Variants in KMT5B observed in about 807,000 individuals in gnomAD.
The protein encoded by KMT5B is histone-lysine N-methyltransferase KMT5B.
A neutral mutation model predicts 83.2 loss-of-function variants in KMT5B; 10 were observed. That is an observed-to-expected ratio of 0.12 (90% CI 0.07 to 0.20). The LOEUF is 0.20. Among genes scored for constraint, KMT5B ranks in the 10% least tolerant of loss-of-function variants. KMT5B has a pLI of 1.00. For synonymous variants in KMT5B, 349 were observed against 388.8 expected, an observed-to-expected ratio of 0.90 and a Z score of 1.20; for missense variants, 753 against 1,067.2, an observed-to-expected ratio of 0.71 and a Z score of 4.10.
chr11:68,167,411 C>T (rs929259516), intron 9 of KMT5B, among the ~76,000 whole-genome samples: 2 of 151,116 alleles, frequency 1.3e-5, no homozygotes, highest in Non-Finnish European at 2.9e-5. Flanking sequence ...TATTATCAAT[C>T]ATTAATTGCC....
intron 3 of KMT5B, among the ~76,000 whole-genome samples, chr11:68,183,611 G>A (rs1161862460): frequency 6.7e-5 from 10 of 150,352 alleles, no homozygotes; most frequent in East Asian, 2.0e-4. Context: ...CACCCACCTC[G>A]GCCTCCCAAA....
In KMT5B at chr11:68,180,153, A is replaced by G; in HGVS notation, c.356T>C (p.Phe119Ser). ...SSRHFSKSDSFSHNNPVRFRP... is the reference protein window; with the variant it reads ...SSRHFSKSDSSSHNNPVRFRP... ...CTACCTCACAGGGTTGTTGTGAGAAAAACTGTCAGATTTTGAAAAATGCCT... is the reference window on the plus strand; with the variant it reads ...CTACCTCACAGGGTTGTTGTGAGAAGAACTGTCAGATTTTGAAAAATGCCT... Residue 119 changes from phenylalanine (F) to serine (S), a missense_variant, in exon 4 of 11, where the codon TTT becomes TCT. Physicochemically the swap from Phe to Ser is radical, Grantham distance 155 (BLOSUM62 -2). Coordinates refer to ENST00000304363, the MANE Select transcript of KMT5B (RefSeq NM_017635.5). 1 of 1,582,166 alleles carries G rather than the reference A, an allele frequency of 6.3e-7. No homozygotes were observed. Among genetic ancestry groups the G allele is most frequent in the Non-Finnish European group, 8.7e-7 (1 of 1,155,366 alleles).
intron 10 of KMT5B, among the ~76,000 whole-genome samples, chr11:68,159,983 G>T (rs941756190): frequency 5.9e-5 from 9 of 152,190 alleles, no homozygotes; most frequent in Non-Finnish European, 8.8e-5. Context: ...GATAGAAAAG[G>T]GTTACAATGA....
chr11:68,204,692 T>C (rs893817536), intron 1 of KMT5B, among the ~76,000 whole-genome samples: 1 of 142,630 alleles, frequency 7.0e-6, no homozygotes, highest in Non-Finnish European at 1.5e-5. Flanking sequence ...CTCAGCTCAC[T>C]GTAACCTCCA....
At chr11:68,205,621 T>G (rs1860002005) in intron 1 of KMT5B, among the ~76,000 whole-genome samples, 1 of 148,484 alleles carries the variant, frequency 6.7e-6, no homozygotes, top group African/African-American at 2.5e-5. Flanking sequence ...ACATTCGCAA[T>G]TCTTTTTTTT....
intron 10 of KMT5B, chr11:68,166,294 CTT>C (rs1325508096): frequency 1.2e-5 from 13 of 1,101,328 alleles, no homozygotes; most frequent in Non-Finnish European, 1.3e-5. Context: ...TTTCCTTTCT[CTT>C]TGTTTAGTCT....
Position 68,158,722 on chromosome 11 carries a change from C to A in KMT5B, c.1624G>T (p.Val542Leu). 1 of 1,614,144 alleles carries A rather than the reference C, an allele frequency of 6.2e-7. No individual in the cohort carries two copies. The highest frequency in any genetic ancestry group is 8.5e-7 in the Non-Finnish European group (1 of 1,180,032). ...SPCTYITRRSVRTRTNLKEAS... is the reference protein window; with the variant it reads ...SPCTYITRRSLRTRTNLKEAS... ...TCCTTCAGATTTGTTCTTGTCCTCA[C>A]TGACCGCCGAGTTATGTAGGTGCAG... The change falls in exon 11 of 11, where the codon GTG becomes TTG. Residue 542 changes from valine to leucine, a missense_variant. Physicochemically the swap from Val to Leu is conservative, Grantham distance 32. Transcript: ENST00000304363.
Position 68,158,850 on chromosome 11 carries a change from G to T in KMT5B, c.1496C>A (p.Pro499Gln). 1 of 1,614,092 alleles carries T rather than the reference G, an allele frequency of 6.2e-7. No individual in the cohort carries two copies. Among genetic ancestry groups the T allele is most frequent in the Non-Finnish European group, 8.5e-7 (1 of 1,180,036 alleles). The change falls in exon 11 of 11, where the codon CCA becomes CAA. Residue 499 changes from proline to glutamine, a missense_variant. Coordinates refer to ENST00000304363, the MANE Select transcript of KMT5B (RefSeq NM_017635.5). ...CCCGCTGGCAACTGCGGCTTGGGCT[G>T]GTCCCTCTGGCTCCTTATCTTTTTT... ...PIKKDKEPEG[P>Q]AQAAVASGCL...
rs1859389467 is a variant in KMT5B, at chr11:68,157,555, C to T, written c.*133G>A. On this transcript the variant is annotated 3_prime_UTR_variant, in exon 11 of 11. Coordinates refer to ENST00000304363, the MANE Select transcript of KMT5B (RefSeq NM_017635.5). ...AAGAATTGAGTCAGTATGCTGTACA[C>T]TTTCTACAATAGTATGCTGATAAGT... 2.3e-6 allele frequency: 3 copies of T among 1,321,194 alleles called. No individual in the cohort carries two copies. The highest frequency in any genetic ancestry group is 2.0e-6 in the Non-Finnish European group (2 of 1,015,728). The allele number at this position is 1,321,194 out of a possible 1,614,324, so 81.8% of individuals were successfully genotyped here. A position where few individuals can be genotyped will look rare whatever the true frequency, so the allele number is the denominator to read the frequency against.
intron 1 of KMT5B, among the ~76,000 whole-genome samples, chr11:68,193,571 T>A (rs1858347726): frequency 6.6e-6 from 1 of 152,198 alleles, no homozygotes; most frequent in South Asian, 2.1e-4. Context: ...AACATGAATT[T>A]TTTTTCTGGT....
At chr11:68,207,851 AT>A (rs1251225432) in intron 1 of KMT5B, among the ~76,000 whole-genome samples, 1 of 146,448 alleles carries the variant, frequency 6.8e-6, no homozygotes, top group East Asian at 2.2e-4. Flanking sequence ...CAAATTTTTT[AT>A]TTTTTTAGAC....
At chr11:68,168,340 T>C (rs1231918825) in intron 9 of KMT5B, among the ~76,000 whole-genome samples, 2 of 151,268 alleles carry the variant, frequency 1.3e-5, no homozygotes, top group African/African-American at 4.8e-5. Context: ...TATTAGAATT[T>C]TTTTTTTTTT....
Position 68,156,377 on chromosome 11 carries a change from CATTAA to C in KMT5B, c.*1306_*1310del, listed in dbSNP as rs1859295755. On this transcript the variant is annotated 3_prime_UTR_variant, in exon 11 of 11. Coordinates refer to ENST00000304363, the MANE Select transcript of KMT5B (RefSeq NM_017635.5). ...CATAAAGTAGTAATAAAAATTTGCT[CATTAA>C]GTTAATTAAAATTAATTTCTCAAAG... The C allele has an allele frequency of 6.6e-6, 1 of 152,556 alleles. No homozygotes were observed. The highest frequency in any genetic ancestry group is 1.5e-5 in the Non-Finnish European group (1 of 68,022). 9.5% of individuals were successfully genotyped at this position (152,556 alleles called of 1,614,324 possible). A position where few individuals can be genotyped will look rare whatever the true frequency, so the allele number is the denominator to read the frequency against.
At chr11:68,166,822 T>C (rs1855359398) in intron 10 of KMT5B, 160 bp downstream of exon 10, 2 of 1,445,760 alleles carry the variant, frequency 1.4e-6, no homozygotes, top group Non-Finnish European at 1.8e-6. Flanking sequence ...AGACTGTGCC[T>C]CTACTCAAAT....
At chr11:68,191,377 C>A (rs576307882) in intron 1 of KMT5B, among the ~76,000 whole-genome samples, 1 of 151,642 alleles carries the variant, frequency 6.6e-6, no homozygotes, top group Non-Finnish European at 1.5e-5. Context: ...TCTGTCGCCC[C>A]GGCTAGAGTG....
chr11:68,199,510 G>A (rs373045839), intron 1 of KMT5B, among the ~76,000 whole-genome samples: 169 of 152,314 alleles, frequency 1.1e-3, no homozygotes, highest in African/African-American at 4.0e-3. Context: ...AGGTCAGAGA[G>A]GCTGCCACAG....
At position 68,171,853 on chromosome 11, in the gene KMT5B, C is replaced by A; in HGVS notation, c.654-144G>T. On this transcript the variant is annotated intron_variant, in intron 6 of 10. Coordinates refer to ENST00000304363, the MANE Select transcript of KMT5B (RefSeq NM_017635.5). The surrounding 1 kb of genome is among the most constrained non-coding windows in gnomAD (Gnocchi z 5.1). ...TTAGTTAGCTCACTGGGATCCCCAC[C>A]TGGCTATCTTCTCTCCTACCCTGGA... 1 of 661,386 alleles carries A rather than the reference C, an allele frequency of 1.5e-6. No homozygotes were observed. Among genetic ancestry groups the A allele is most frequent in the Non-Finnish European group, 2.6e-6 (1 of 392,004 alleles). The allele number at this position is 661,386 out of a possible 1,614,324, so 41.0% of individuals were successfully genotyped here. A position where few individuals can be genotyped will look rare whatever the true frequency, so the allele number is the denominator to read the frequency against.
chr11:68,203,728 G>A (rs1859732501), intron 1 of KMT5B, among the ~76,000 whole-genome samples: 3 of 152,166 alleles, frequency 2.0e-5, no homozygotes, highest in African/African-American at 7.2e-5. Context: ...GAGAAGCTAG[G>A]TGACTTGTCA....
chr11:68,206,273 G>C (rs1367340816), intron 1 of KMT5B, among the ~76,000 whole-genome samples: 4 of 152,148 alleles, frequency 2.6e-5, no homozygotes, highest in Non-Finnish European at 5.9e-5. Flanking sequence ...GTTTTCTCTA[G>C]GACTCAAACA....
Sources: allele counts gnomAD v4.1 joint callset (sites outside exome capture counted in the v4.1 genomes callset), GRCh38; gene constraint gnomAD v4.1.1; non-coding constraint Gnocchi (gnomAD v3.1); transcripts MANE v1.5; gene names NCBI Gene and HGNC (gene_info 2026-07-23, HGNC 2026-07-21).